Variants in XPOT observed in about 807,000 individuals in gnomAD.
The protein encoded by XPOT is exportin for tRNA.
Under a neutral mutation model 128.2 loss-of-function variants are expected in XPOT, and 34 were observed. The ratio of observed to expected loss-of-function variants is 0.27; its 90% CI spans 0.20 to 0.35. The LOEUF (loss-of-function observed/expected upper bound fraction) is 0.35. Ranked by LOEUF, XPOT falls within the 10% of genes least tolerant of loss-of-function variation. XPOT has a pLI of 1.00. For missense variants in XPOT, 838 were observed against 1,125.3 expected (o/e 0.74, Z 3.65); for synonymous variants, 348 against 394.3 (o/e 0.88, Z 1.39).
At position 64,423,592 on chromosome 12, in the gene XPOT, T is replaced by C. The variant is rs113586610; in HGVS notation, c.1182+348T>C. 9.5e-3 allele frequency among the ~76,000 whole-genome samples: 1,449 copies of C among 152,218 alleles called. 20 individuals are homozygous for C. The highest frequency in any genetic ancestry group is 0.033 in the African/African-American group (1,356 of 41,526). ...CCTCAGCCACCTTAGTAGCTGGGAT[T>C]ACAGGCATGTGCCACCATGCCCGGC... On this transcript the variant is annotated intron_variant, in intron 11 of 24. Coordinates refer to ENST00000332707, the MANE Select transcript of XPOT (RefSeq NM_007235.6).
intron 18 of XPOT, among the ~76,000 whole-genome samples, chr12:64,432,503 C>T (rs1487687565): frequency 6.6e-6 from 1 of 152,140 alleles, no homozygotes; most frequent in Non-Finnish European, 1.5e-5. Flanking sequence ...GCCTCGGCCT[C>T]CATAAGTGCT....
At chr12:64,439,179 C>T in intron 22 of XPOT, 65 bp from the exon 23 acceptor site, 1 of 1,462,234 alleles carries the variant, frequency 6.8e-7, no homozygotes, top group Non-Finnish European at 9.6e-7. Flanking sequence ...ATGTATTGTT[C>T]CGATTCTTTT....
At chr12:64,413,569 C>A (rs968825969) in intron 2 of XPOT, among the ~76,000 whole-genome samples, 1 of 152,180 alleles carries the variant, frequency 6.6e-6, no homozygotes, top group Non-Finnish European at 1.5e-5. Context: ...TGGTGATCTT[C>A]ACCTAATCAT....
chr12:64,420,547 T>G, intron 8 of XPOT, 26 bp downstream of exon 8: 1 of 1,575,482 alleles, frequency 6.3e-7, no homozygotes, highest in Non-Finnish European at 8.6e-7. Context: ...TAAAACATTG[T>G]ATGTAAAGTT....
At chr12:64,411,546 T>C (rs1306199219) in intron 2 of XPOT, among the ~76,000 whole-genome samples, 1 of 152,220 alleles carries the variant, frequency 6.6e-6, no homozygotes, top group Non-Finnish European at 1.5e-5. Context: ...CTCTGCTTTT[T>C]GTCAGTAAAA....
At chr12:64,424,963 GTGTC>G in intron 12 of XPOT, 71 bp from the exon 13 acceptor site, 1 of 1,540,358 alleles carries the variant, frequency 6.5e-7, no homozygotes, top group Non-Finnish European at 8.8e-7. Context: ...GCTTTTGTTG[GTGTC>G]TTACCCTGTG....
In XPOT at chr12:64,436,026, G is replaced by A. The variant is rs184618797; in HGVS notation, c.2733+352G>A. 5.4e-3 allele frequency among the ~76,000 whole-genome samples: 812 copies of A among 150,734 alleles called. 3 individuals carry two copies. Among genetic ancestry groups the A allele is most frequent in the Non-Finnish European group, 8.5e-3 (573 of 67,586 alleles). ...GGCTGGAGTGCAGTGGCATGATCTC[G>A]GCTCACGGCGACCCCTGCCTCCCAG... is the stretch of plus-strand genomic sequence containing the variant. On this transcript the variant is annotated intron_variant, in intron 22 of 24. Transcript: ENST00000332707.
At chr12:64,405,199 C>T (rs2039967337) in intron 1 of XPOT, 1 of 152,366 alleles carries the variant, frequency 6.6e-6, no homozygotes, top group Non-Finnish European at 1.5e-5. Context: ...TTGATTCTTC[C>T]CCCACCCCTG....
chr12:64,435,717 T>TG (rs2040277004), intron 22 of XPOT, 43 bp downstream of exon 22: 1 of 1,547,542 alleles, frequency 6.5e-7, no homozygotes, highest in Non-Finnish European at 8.7e-7. Flanking sequence ...ATCTCACATG[T>TG]GGTATTATTA....
chr12:64,406,179 G>C (rs184569059), intron 1 of XPOT, among the ~76,000 whole-genome samples: 68 of 152,234 alleles, frequency 4.5e-4, no homozygotes, highest in Middle Eastern at 6.8e-3. Context: ...GGGTTCATGC[G>C]AGTCTTCTGC....
chr12:64,426,084 G>A (rs997280286), intron 15 of XPOT, among the ~76,000 whole-genome samples, 175 bp downstream of exon 15: 1 of 151,948 alleles, frequency 6.6e-6, no homozygotes, highest in African/African-American at 2.4e-5. Flanking sequence ...CTGGGAGGCC[G>A]ATCACAAGGT....
rs2040179268 is a variant in XPOT, at chr12:64,425,149, A to G, written c.1419A>G (p.Ser473=). 1 of 1,614,120 alleles carries G rather than the reference A, an allele frequency of 6.2e-7. No homozygotes were observed. The highest frequency in any genetic ancestry group is 8.5e-7 in the Non-Finnish European group (1 of 1,179,996). ...SHGAHFSGDV[S]KASALQDMMR... ...GTGCTCACTTCTCAGGTGATGTTTC[A>G]AAAGCTAGTGCTTTGCAGGATATGA... The change falls in exon 13 of 25, where the codon TCA becomes TCG. Residue 473 remains serine (S), a synonymous_variant. Transcript: ENST00000332707.
At chr12:64,416,436 G>GCAAA (rs1426797792) in intron 3 of XPOT, among the ~76,000 whole-genome samples, 9 of 152,200 alleles carry the variant, frequency 5.9e-5, no homozygotes, top group Admixed American at 5.2e-4. Flanking sequence ...ACAAAGCATT[G>GCAAA]TATTCAAGGT....
At chr12:64,405,841 C>A (rs921752129) in intron 1 of XPOT, among the ~76,000 whole-genome samples, 15 of 152,320 alleles carry the variant, frequency 9.8e-5, no homozygotes, top group African/African-American at 3.1e-4. Context: ...TGGTCTCGAT[C>A]TCTTGACCTC....
chr12:64,430,358 A>C, intron 17 of XPOT, 71 bp downstream of exon 17: 1 of 1,232,672 alleles, frequency 8.1e-7, no homozygotes, highest in Non-Finnish European at 1.1e-6. Context: ...TTTGGTGGGC[A>C]CACACATTTG....
intron 1 of XPOT, among the ~76,000 whole-genome samples, chr12:64,408,256 T>C (rs906029924): frequency 6.6e-6 from 1 of 152,074 alleles, no homozygotes; most frequent in Non-Finnish European, 1.5e-5. Context: ...ATTACAGGTG[T>C]GTGCCACCAT....
chr12:64,440,406 T>C (rs1565804181), intron 23 of XPOT, among the ~76,000 whole-genome samples: 1 of 152,238 alleles, frequency 6.6e-6, no homozygotes, highest in Admixed American at 6.5e-5. Context: ...ACATTGTAAG[T>C]GCTACAGTTA....
intron 24 of XPOT, among the ~76,000 whole-genome samples, chr12:64,446,700 T>C (rs1288117243): frequency 6.6e-6 from 1 of 152,104 alleles, no homozygotes; most frequent in Non-Finnish European, 1.5e-5. Flanking sequence ...ACTGTTCTTG[T>C]AGTTCTTCAA....
intron 1 of XPOT, among the ~76,000 whole-genome samples, chr12:64,408,309 T>C (rs768374320): frequency 2.0e-4 from 30 of 152,242 alleles, no homozygotes; most frequent in Non-Finnish European, 4.1e-4. Context: ...GATTTTACCA[T>C]GTTGGCCAGG....
Sources: gnomAD v4.1 joint callset for allele counts (sites outside exome capture counted in the v4.1 genomes callset) on GRCh38, gnomAD v4.1.1 for gene constraint, MANE v1.5 for transcripts, NCBI Gene and HGNC (gene_info 2026-07-23, HGNC 2026-07-21) for gene names.